The following SLC30A9 variants were observed in gnomAD, a reference collection of about 807,000 sequenced individuals.
SLC30A9 encodes the protein solute carrier family 30 member 9.
In SLC30A9, 58 loss-of-function variants were observed where a neutral mutation model predicts 87.5. That is an observed-to-expected ratio of 0.66 (90% CI 0.54 to 0.82). The LOEUF (loss-of-function observed/expected upper bound fraction) is 0.82. SLC30A9 is among the 40% of genes least tolerant of loss of function. SLC30A9 has a pLI of 0.00. For synonymous variants in SLC30A9, 234 were observed against 233.0 expected (o/e 1.00, Z -0.04); for missense variants, 557 against 679.1 (o/e 0.82, Z 2.00).
intron 8 of SLC30A9, among the ~76,000 whole-genome samples, chr4:42,041,180 G>A (rs745536045): frequency 1.3e-4 from 20 of 152,212 alleles, no homozygotes; most frequent in Middle Eastern, 3.4e-3. Flanking sequence ...CTCCCACTGC[G>A]TCCCTCCCAA....
intron 16 of SLC30A9, 111 bp from the exon 17 acceptor site, chr4:42,078,101 G>A: frequency 1.8e-6 from 1 of 567,488 alleles, no homozygotes; most frequent in East Asian, 3.1e-5. Flanking sequence ...TTTTAAAAAT[G>A]TTCATTAAAC....
At chr4:42,072,178 C>T (rs1344489950) in intron 15 of SLC30A9, among the ~76,000 whole-genome samples, 3 of 152,102 alleles carry the variant, frequency 2.0e-5, no homozygotes, top group Non-Finnish European at 4.4e-5. Context: ...GTCAGTGTAG[C>T]TAAAGGTTTG....
At position 42,086,093 on chromosome 4, in the gene SLC30A9, T is replaced by C; in HGVS notation, c.1674T>C (p.Pro558=). The change falls in exon 18 of 18, where the codon CCT becomes CCC. Residue 558 remains proline, a synonymous_variant. Transcript: ENST00000264451. ...ATTTTTCTTTCCAGAAACGAAATCC[T>C]GAAGTTCGACATGTAGATTTGGAGA... is the stretch of plus-strand genomic sequence containing the variant. ...RLEKELKKRN[P]EVRHVDLEIL The C allele has an allele frequency of 6.7e-7, 1 of 1,495,922 alleles. No individual in the cohort carries two copies. Among genetic ancestry groups the C allele is most frequent in the Non-Finnish European group, 9.0e-7 (1 of 1,107,540 alleles). The allele number at this position is 1,495,922 out of a possible 1,614,324, so 92.7% of individuals were successfully genotyped here. A position where few individuals can be genotyped will look rare whatever the true frequency, so the allele number is the denominator to read the frequency against.
intron 1 of SLC30A9, among the ~76,000 whole-genome samples, chr4:41,999,189 C>G (rs1308880748): frequency 6.6e-6 from 1 of 152,122 alleles, no homozygotes; most frequent in African/African-American, 2.4e-5. Flanking sequence ...AAATGTGTCA[C>G]TATTACAGGA....
chr4:42,000,019 C>G (rs995068228), intron 1 of SLC30A9, among the ~76,000 whole-genome samples: 1 of 151,986 alleles, frequency 6.6e-6, no homozygotes, highest in South Asian at 2.1e-4. Flanking sequence ...TGAAAGTAGG[C>G]AATGGGTACG....
At position 42,018,171 on chromosome 4, in the gene SLC30A9, G is replaced by A. The variant is rs1251512351; in HGVS notation, c.334+1G>A. On this transcript the variant is annotated splice_donor_variant, in intron 3 of 17. Coordinates refer to ENST00000264451, the MANE Select transcript of SLC30A9 (RefSeq NM_006345.4). LOFTEE classifies it high-confidence loss of function. ...AAGCAAGAACCTCTCCAAGTAAGAGGTAAATATATTTTATCCTATTTTTGT... is the reference window on the plus strand; with the variant it reads ...AAGCAAGAACCTCTCCAAGTAAGAGATAAATATATTTTATCCTATTTTTGT... 1.3e-6 allele frequency: 2 copies of A among 1,506,750 alleles called. No individual in the cohort carries two copies. The highest frequency in any genetic ancestry group is 2.8e-5 in the African/African-American group (2 of 72,540). The allele number at this position is 1,506,750 out of a possible 1,614,324, so 93.3% of individuals were successfully genotyped here.
At chr4:42,009,965 G>T (rs555949498) in intron 2 of SLC30A9, among the ~76,000 whole-genome samples, 11 of 152,274 alleles carry the variant, frequency 7.2e-5, no homozygotes, top group African/African-American at 2.6e-4. Context: ...GGATGTGTAG[G>T]TTCTATAGAT....
intron 9 of SLC30A9, among the ~76,000 whole-genome samples, chr4:42,053,884 G>C (rs538998295): frequency 6.6e-6 from 1 of 152,178 alleles, no homozygotes; most frequent in African/African-American, 2.4e-5. Context: ...TGGCAACATA[G>C]ATGTATCTCC....
chr4:42,030,002 C>G, intron 6 of SLC30A9: 3 of 895,332 alleles, frequency 3.4e-6, no homozygotes, highest in Non-Finnish European at 5.4e-6. Context: ...TTGTACAGTT[C>G]ACCAACCTTA....
At chr4:42,003,390 A>G (rs1715064903) in intron 2 of SLC30A9, among the ~76,000 whole-genome samples, 1 of 152,092 alleles carries the variant, frequency 6.6e-6, no homozygotes, top group African/African-American at 2.4e-5. Context: ...TTACCAAGGG[A>G]GATGTTGGAG....
intron 9 of SLC30A9, among the ~76,000 whole-genome samples, chr4:42,052,912 A>G (rs539430684): frequency 1.3e-5 from 2 of 152,366 alleles, no homozygotes; most frequent in South Asian, 4.1e-4. Context: ...TGCTCATTGA[A>G]AGACATCCTT....
intron 8 of SLC30A9, among the ~76,000 whole-genome samples, chr4:42,039,570 C>T (rs936067727): frequency 6.6e-6 from 1 of 151,312 alleles, no homozygotes; most frequent in African/African-American, 2.4e-5. Flanking sequence ...TCAAGCCATT[C>T]TCCTGCAACA....
At chr4:42,004,808 C>T (rs141104507) in intron 2 of SLC30A9, among the ~76,000 whole-genome samples, 3 of 151,808 alleles carry the variant, frequency 2.0e-5, no homozygotes, top group East Asian at 1.9e-4. Flanking sequence ...TGTGCTGCCA[C>T]GCCCAGCTAA....
intron 14 of SLC30A9, among the ~76,000 whole-genome samples, chr4:42,069,432 A>G (rs1718217115): frequency 6.6e-6 from 1 of 152,072 alleles, no homozygotes; most frequent in African/African-American, 2.4e-5. Flanking sequence ...AATAAAAATA[A>G]CTCTTCACAT....
At chr4:42,061,214 G>A (rs970495815) in intron 10 of SLC30A9, among the ~76,000 whole-genome samples, 2 of 152,136 alleles carry the variant, frequency 1.3e-5, no homozygotes, top group African/African-American at 4.8e-5. Flanking sequence ...TTTTATATCT[G>A]TCCAGTATGG....
At chr4:42,056,990 G>A (rs1323584402) in intron 9 of SLC30A9, among the ~76,000 whole-genome samples, 13 of 152,146 alleles carry the variant, frequency 8.5e-5, no homozygotes, top group South Asian at 8.3e-4. Flanking sequence ...ATCTCCTTTC[G>A]CTCCATGTCT....
rs1308083654 is a variant in SLC30A9 at position 42,001,786 on chromosome 4, T to G, written c.274+6T>G. ...AGTACCATCATTTGAAACAGGTATG[T>G]GTAATTTTTTTAATGTACTTTTTTC... is the stretch of plus-strand genomic sequence containing the variant. On this transcript the variant is annotated splice_donor_region_variant and intron_variant, in intron 2 of 17. Transcript: ENST00000264451. The G allele has an allele frequency of 6.3e-7, 1 of 1,592,788 alleles. No individual in the cohort carries two copies. The highest frequency in any genetic ancestry group is 1.8e-5 in the Admixed American group (1 of 55,336).
At chr4:42,033,881 G>A (rs754232132) in intron 6 of SLC30A9, among the ~76,000 whole-genome samples, 10 of 152,136 alleles carry the variant, frequency 6.6e-5, no homozygotes, top group Admixed American at 2.6e-4. Flanking sequence ...GGCTGCTCTT[G>A]CTTTTTTTAC....
intron 1 of SLC30A9, among the ~76,000 whole-genome samples, chr4:42,000,227 A>G (rs1050698876): frequency 2.6e-5 from 2 of 78,080 alleles, no homozygotes; most frequent in Admixed American, 1.7e-4. Context: ...ATATTTCATC[A>G]GTGTATGAAA....
Sources: gnomAD v4.1 joint callset for allele counts (sites outside exome capture counted in the v4.1 genomes callset) on GRCh38, gnomAD v4.1.1 for gene constraint, MANE v1.5 for transcripts, NCBI Gene and HGNC (gene_info 2026-07-23, HGNC 2026-07-21) for gene names.